CWC25: variants seen among roughly 807,000 people sequenced by gnomAD.
The protein encoded by CWC25 is CWC25 spliceosome associated protein.
Under a neutral mutation model 54.6 loss-of-function variants are expected in CWC25, and 31 were observed. That is an observed-to-expected ratio of 0.57 (90% CI 0.43 to 0.77). The LOEUF is 0.77. Ranked by LOEUF, CWC25 falls within the 30% of genes least tolerant of loss-of-function variation. The pLI is 0.00. For missense variants in CWC25, 453 were observed against 529.3 expected (o/e 0.86, Z 1.41); for synonymous variants, 151 against 187.0 (o/e 0.81, Z 1.57).
chr17:38,821,107 G>T, intron 1 of CWC25, 34 bp from the exon 2 acceptor site: 1 of 1,594,046 alleles, frequency 6.3e-7, no homozygotes, highest in Non-Finnish European at 8.5e-7. Flanking sequence ...ATGATAATTC[G>T]GGGGGTGACT....
At position 38,802,105 on chromosome 17, in the gene CWC25, A is replaced by G. The variant is rs1455116042; in HGVS notation, c.1265T>C (p.Phe422Ser). ...QRTSVALEKN[F>S]MKR is the part of the protein sequence containing the mutation. ...AGGGGACAGTTTTCATCTTTTCATAAAGTTCTTCTCCAGAGCTACCGAAGT... is the reference window on the plus strand; with the variant it reads ...AGGGGACAGTTTTCATCTTTTCATAGAGTTCTTCTCCAGAGCTACCGAAGT... The change falls in exon 10 of 10, where the codon TTT becomes TCT. Residue 422 changes from phenylalanine (F) to serine (S), a missense_variant. By Grantham distance (155) the Phe-to-Ser change is radical. Transcript: ENST00000614790. 1.2e-6 allele frequency: 2 copies of G among 1,610,164 alleles called. No individual in the cohort carries two copies. The highest frequency in any genetic ancestry group is 1.7e-6 in the Non-Finnish European group (2 of 1,176,756).
chr17:38,820,477 C>T (rs1911878134), intron 2 of CWC25, among the ~76,000 whole-genome samples: 1 of 152,034 alleles, frequency 6.6e-6, no homozygotes, highest in Non-Finnish European at 1.5e-5. Flanking sequence ...CTCATGGGAC[C>T]TCACTCCCTG....
Position 38,810,550 on chromosome 17 carries a change from TCTC to T in CWC25, c.541_543del (p.Glu181del), listed in dbSNP as rs765841595. 7 of 1,584,564 alleles carry T rather than the reference TCTC, an allele frequency of 4.4e-6. No homozygotes were observed. Among genetic ancestry groups the T allele is most frequent in the Non-Finnish European group, 6.0e-6 (7 of 1,162,278 alleles). ...TTATGTTTCTTGTGCTTCTTTTTCT[TCTC>T]CTTCTTTTTCTTCTTCTCCTTTTTT... On this transcript the variant is annotated inframe_deletion, in exon 5 of 10. Transcript: ENST00000614790.
chr17:38,819,455 C>CTTCT (rs943714358), intron 2 of CWC25, among the ~76,000 whole-genome samples: 1 of 152,068 alleles, frequency 6.6e-6, no homozygotes, highest in Non-Finnish European at 1.5e-5. Flanking sequence ...CAACCTCCAC[C>CTTCT]TTCTGGGTTC....
Position 38,825,165 on chromosome 17 carries a change from C to G in CWC25, c.18+1G>C. The G allele has an allele frequency of 6.3e-7, 1 of 1,581,400 alleles. No individual in the cohort carries two copies. Among genetic ancestry groups the G allele is most frequent in the South Asian group, 1.2e-5 (1 of 86,542 alleles). Reference sequence around the variant, plus strand: ...CCCCGCCCAGGCCTCCCTCCACTCACCAGGTCTCCGCCCCCCATGACGGTG... The same window carrying G: ...CCCCGCCCAGGCCTCCCTCCACTCAGCAGGTCTCCGCCCCCCATGACGGTG... On this transcript the variant is annotated splice_donor_variant, in intron 1 of 9. Coordinates refer to ENST00000614790, the MANE Select transcript of CWC25 (RefSeq NM_017748.5). LOFTEE classifies it high-confidence loss of function.
At chr17:38,807,337 AAAAAAG>A (rs1911295097) in intron 6 of CWC25, among the ~76,000 whole-genome samples, 1 of 139,306 alleles carries the variant, frequency 7.2e-6, no homozygotes, top group African/African-American at 2.6e-5. Flanking sequence ...AAAAAAAAAA[AAAAAAG>A]AAAAGGCAGT....
chr17:38,816,002 G>A (rs1245058213), intron 2 of CWC25, among the ~76,000 whole-genome samples: 3 of 152,146 alleles, frequency 2.0e-5, no homozygotes, highest in African/African-American at 7.2e-5. Context: ...ATAAACCCTG[G>A]TCTCAGCCAT....
At chr17:38,819,964 G>T (rs561534405) in intron 2 of CWC25, among the ~76,000 whole-genome samples, 2 of 147,038 alleles carry the variant, frequency 1.4e-5, no homozygotes, top group South Asian at 4.3e-4. Flanking sequence ...AAGCCATCGT[G>T]CCTGGCTAAT....
At position 38,802,174 on chromosome 17, in the gene CWC25, G is replaced by A. The variant is rs1911055699; in HGVS notation, c.1196C>T (p.Ser399Phe). ...RMKLESASTS[S>F]LEDRVKRNIY... Reference sequence around the variant, plus strand: ...ATTCCGCTTCACCCGATCCTCCAGGGAGGAAGTAGATGCACTCTCCAGCTT... The same window carrying A: ...ATTCCGCTTCACCCGATCCTCCAGGAAGGAAGTAGATGCACTCTCCAGCTT... The change falls in exon 10 of 10, where the codon TCC becomes TTC. Residue 399 changes from serine (S) to phenylalanine (F), a missense_variant. Physicochemically the swap from Ser to Phe is radical, Grantham distance 155. Coordinates refer to ENST00000614790, the MANE Select transcript of CWC25 (RefSeq NM_017748.5). 2 of 1,613,730 alleles carry A rather than the reference G, an allele frequency of 1.2e-6. No individual in the cohort carries two copies. Among genetic ancestry groups the A allele is most frequent in the African/African-American group, 2.7e-5 (2 of 74,936 alleles).
At chr17:38,808,055 C>CA (rs61226105) in intron 6 of CWC25, among the ~76,000 whole-genome samples, 2,880 of 52,572 alleles carry the variant, frequency 0.055, 186 homozygotes, top group African/African-American at 0.078. Context: ...GACTCCATCT[C>CA]AAAAAAAAAA....
chr17:38,802,798 C>T lies in CWC25; in HGVS notation c.1065G>A (p.Arg355=). The T allele has an allele frequency of 1.2e-6, 2 of 1,614,048 alleles. No individual in the cohort carries two copies. The highest frequency in any genetic ancestry group is 2.2e-5 in the East Asian group (1 of 44,896). The change falls in exon 9 of 10, where the codon AGG becomes AGA. Residue 355 remains arginine (R), a synonymous_variant. Transcript: ENST00000614790. The part of the protein sequence containing the change: ...RQEMMENAKW[R]EEERLNILKR... ...TGAGGATGTTCAGTCTCTCCTCCTC[C>T]CTCCATTTGGCGTTTTCCATCATCT...
chr17:38,819,168 A>T (rs1185050123), intron 2 of CWC25, among the ~76,000 whole-genome samples: 3 of 151,158 alleles, frequency 2.0e-5, no homozygotes, highest in Non-Finnish European at 2.9e-5. Context: ...GACTACAGGC[A>T]CATGCCACCA....
intron 4 of CWC25, among the ~76,000 whole-genome samples, chr17:38,811,942 ATT>A (rs376267806): frequency 2.1e-5 from 3 of 145,608 alleles, no homozygotes; most frequent in African/African-American, 5.0e-5. Context: ...TAGAAGCCTT[ATT>A]TTTTTTTTTT....
chr17:38,806,942 C>A lies in CWC25; in HGVS notation c.725G>T (p.Gly242Val). The A allele has an allele frequency of 1.2e-6, 2 of 1,613,622 alleles. No individual in the cohort carries two copies. The highest frequency in any genetic ancestry group is 1.7e-6 in the Non-Finnish European group (2 of 1,179,776). ...RNSDRNQGLQ[G>V]PLTAEQKRGH... ...TCTCTTTTGCTCTGCTGTCAGAGGA[C>A]CCTGAAGACCCTGGTTACGGTCAGA... The change falls in exon 7 of 10, where the codon GGT (glycine) becomes GTT (valine). Residue 242 changes from glycine (G) to valine (V), a missense_variant. Around this residue, in one of 2 missense-constraint regions of CWC25, gnomAD observed 444 missense variants for 499.2 expected, o/e 0.89. Transcript: ENST00000614790.
At chr17:38,805,343 A>G (rs1417270290) in intron 8 of CWC25, among the ~76,000 whole-genome samples, 1 of 152,206 alleles carries the variant, frequency 6.6e-6, no homozygotes, top group African/African-American at 2.4e-5. Context: ...AGGCAGCAAC[A>G]TATTTGTATT....
At chr17:38,811,540 C>CAAAAAA (rs11387199) in intron 4 of CWC25, among the ~76,000 whole-genome samples, 1 of 53,370 alleles carries the variant, frequency 1.9e-5, no homozygotes, top group African/African-American at 5.5e-5. Context: ...GACTCCGTCT[C>CAAAAAA]AAAAAAAAAA....
rs1312450040 is a variant in CWC25, at chr17:38,802,680, C to T, written c.1163+20G>A. Reference sequence around the variant, plus strand: ...AGACCTTCCCCATGAAAGACCCTGGCAGGAAGAAGATGCACTCACTGGATG... The same window carrying T: ...AGACCTTCCCCATGAAAGACCCTGGTAGGAAGAAGATGCACTCACTGGATG... On this transcript the variant is annotated intron_variant, in intron 9 of 9. Coordinates refer to ENST00000614790, the MANE Select transcript of CWC25 (RefSeq NM_017748.5). 6.2e-7 allele frequency: 1 copy of T among 1,613,114 alleles called. No homozygotes were observed. Among genetic ancestry groups the T allele is most frequent in the Non-Finnish European group, 8.5e-7 (1 of 1,179,454 alleles).
chr17:38,813,477 A>T (rs1037614787), intron 3 of CWC25, among the ~76,000 whole-genome samples: 13 of 151,978 alleles, frequency 8.6e-5, no homozygotes, highest in East Asian at 7.7e-4. Flanking sequence ...TGTCTCAAAA[A>T]AAATAAATAA....
chr17:38,811,210 G>A (rs1398529082), intron 4 of CWC25, among the ~76,000 whole-genome samples: 2 of 151,294 alleles, frequency 1.3e-5, no homozygotes, highest in Non-Finnish European at 2.9e-5. Flanking sequence ...CAGCAGCCTG[G>A]GCGACAGAGT....
Sources: allele counts gnomAD v4.1 joint callset (sites outside exome capture counted in the v4.1 genomes callset), GRCh38; gene constraint gnomAD v4.1.1; regional missense constraint gnomAD v4.1.1; transcripts MANE v1.5; gene names NCBI Gene and HGNC (gene_info 2026-07-23, HGNC 2026-07-21).